The following MED12L variants were observed in gnomAD, a reference collection of about 807,000 sequenced individuals.
MED12L encodes the protein mediator complex subunit 12L, also known as mediator of RNA polymerase II transcription subunit 12-like protein.
MED12L carries 60 observed loss-of-function variants against 281.3 expected under a neutral mutation model. That is an observed-to-expected ratio of 0.21 (90% CI 0.17 to 0.26). The LOEUF (loss-of-function observed/expected upper bound fraction) is 0.26, where lower values mean the gene tolerates loss of function less well. Among genes scored for constraint, MED12L ranks in the 10% least tolerant of loss-of-function variants. The pLI is 1.00. For synonymous variants in MED12L, 974 were observed against 987.2 expected, an observed-to-expected ratio of 0.99 and a Z score of 0.25; for missense variants, 2,146 against 2,680.9, an observed-to-expected ratio of 0.80 and a Z score of 4.41.
intron 16 of MED12L, chr3:151,338,115 A>C (rs1291405839): frequency 6.2e-7 from 1 of 1,614,084 alleles, no homozygotes; most frequent in South Asian, 1.1e-5. Context: ...AATAAAGAAT[A>C]CAGCAATGAT....
At chr3:151,095,456 G>A (rs1720587736) in intron 2 of MED12L, among the ~76,000 whole-genome samples, 1 of 152,104 alleles carries the variant, frequency 6.6e-6, no homozygotes, top group Admixed American at 6.5e-5. Flanking sequence ...TCCTGCCTCA[G>A]CCCCCCGAGT....
chr3:151,424,233 G>C (rs1469515994), intron 43 of MED12L, among the ~76,000 whole-genome samples: 5 of 152,166 alleles, frequency 3.3e-5, no homozygotes, highest in Non-Finnish European at 4.4e-5. Context: ...AATATTTATA[G>C]AAAGAGGTTG....
chr3:151,432,690 A>G, intron 44 of MED12L, 62 bp from the exon 45 acceptor site: 1 of 1,198,554 alleles, frequency 8.3e-7, no homozygotes. Flanking sequence ...ACAAGAGGGT[A>G]GCATCCATCT....
At chr3:151,258,870 A>G (rs899275290) in intron 16 of MED12L, among the ~76,000 whole-genome samples, 10 of 151,672 alleles carry the variant, frequency 6.6e-5, no homozygotes, top group Admixed American at 2.0e-4. Context: ...AAAAAAAAAA[A>G]AAAGTCCTTC....
intron 16 of MED12L, among the ~76,000 whole-genome samples, chr3:151,253,057 C>T (rs1737143706): frequency 6.6e-6 from 1 of 151,982 alleles, no homozygotes; most frequent in Admixed American, 6.6e-5. Flanking sequence ...AAACTAAAGT[C>T]CCTGTCTTTT....
intron 16 of MED12L, among the ~76,000 whole-genome samples, chr3:151,293,551 A>G (rs1205806642): frequency 6.7e-6 from 1 of 148,292 alleles, no homozygotes; most frequent in African/African-American, 2.5e-5. Context: ...TGACCTGGAC[A>G]CAGAGGGTCC....
In MED12L at chr3:151,165,484, G is replaced by C; in HGVS notation, c.1322G>C (p.Arg441Pro). The C allele has an allele frequency of 6.2e-7, 1 of 1,613,986 alleles. No homozygotes were observed. The highest frequency in any genetic ancestry group is 8.5e-7 in the Non-Finnish European group (1 of 1,179,882). The change falls in exon 10 of 45, where the codon CGG (arginine) becomes CCG (proline). Residue 441 changes from arginine to proline, a missense_variant. Around this residue, in one of 9 missense-constraint regions of MED12L, gnomAD observed 722 missense variants for 861.2 expected, o/e 0.84. Transcript: ENST00000687756. Reference sequence around the variant, plus strand: ...CAAAGAGGCCGTGCAGTGGAAGTTCGGTGGTCATTTGACAAGTGCCAAGAA... The same window carrying C: ...CAAAGAGGCCGTGCAGTGGAAGTTCCGTGGTCATTTGACAAGTGCCAAGAA... ...IKQRGRAVEV[R>P]WSFDKCQEST...
intron 16 of MED12L, among the ~76,000 whole-genome samples, chr3:151,244,912 C>A (rs910869079): frequency 2.0e-5 from 3 of 151,940 alleles, no homozygotes; most frequent in Non-Finnish European, 4.4e-5. Context: ...ATCTAATAGA[C>A]CCAATAAAAA....
At chr3:151,086,756 G>A in intron 1 of MED12L, 42 bp from the exon 2 acceptor site, 1 of 552,080 alleles carries the variant, frequency 1.8e-6, no homozygotes, top group Non-Finnish European at 3.2e-6. Flanking sequence ...CTGCTGCCGG[G>A]CAGCGGCAGC....
At chr3:151,389,858 T>A in intron 37 of MED12L, 121 bp from the exon 38 acceptor site, 2 of 915,914 alleles carry the variant, frequency 2.2e-6, no homozygotes, top group Non-Finnish European at 3.3e-6. Flanking sequence ...TTCTCCTTTA[T>A]AAAAAACAGC....
chr3:151,182,654 G>A (rs188654405), intron 11 of MED12L, among the ~76,000 whole-genome samples: 2 of 152,288 alleles, frequency 1.3e-5, no homozygotes, highest in African/African-American at 2.4e-5. Flanking sequence ...AAACTGCAGT[G>A]TAGGTAGAAT....
chr3:151,238,969 T>G (rs1407051318), intron 16 of MED12L, among the ~76,000 whole-genome samples: 1 of 152,176 alleles, frequency 6.6e-6, no homozygotes, highest in Non-Finnish European at 1.5e-5. Context: ...TTCTCAAAAC[T>G]GAATGAACTG....
rs552956631 is a variant in MED12L at position 151,202,595 on chromosome 3, G to A, written c.2250+8929G>A. Among the ~76,000 whole-genome samples, 7 of 152,306 alleles carry A rather than the reference G, an allele frequency of 4.6e-5. No individual in the cohort carries two copies. The South Asian group carries it at 8.3e-4, about 18-fold the overall frequency. ...TGAGGCAGGAGAATTGTTTGAACCC[G>A]GGATGTGGAGGTTGAAGTGAGCTGA... On this transcript the variant is annotated intron_variant, in intron 16 of 44. Coordinates refer to ENST00000687756, the MANE Select transcript of MED12L (RefSeq NM_001393769.1).
chr3:151,208,479 C>T (rs866480777), intron 16 of MED12L, among the ~76,000 whole-genome samples: 2 of 152,116 alleles, frequency 1.3e-5, no homozygotes, highest in South Asian at 2.1e-4. Context: ...GTCGGGAGTT[C>T]GAGACCAGCC....
At chr3:151,420,464 T>C (rs1718110384) in intron 43 of MED12L, among the ~76,000 whole-genome samples, 1 of 152,298 alleles carries the variant, frequency 6.6e-6, no homozygotes, top group Non-Finnish European at 1.5e-5. Flanking sequence ...AAAATTTTGC[T>C]AGTGGATCAC....
intron 16 of MED12L, among the ~76,000 whole-genome samples, chr3:151,341,345 G>A (rs1374332672): frequency 5.3e-5 from 8 of 151,974 alleles, no homozygotes; most frequent in South Asian, 2.1e-4. Flanking sequence ...TCCATTGCCA[G>A]GCTTATTATA....
intron 16 of MED12L, among the ~76,000 whole-genome samples, chr3:151,307,883 C>T (rs1288663583): frequency 1.3e-5 from 2 of 152,006 alleles, no homozygotes; most frequent in African/African-American, 2.4e-5. Context: ...ACTGAGATTC[C>T]CTGACCAGTG....
chr3:151,095,227 A>T (rs1720556262), intron 2 of MED12L, among the ~76,000 whole-genome samples: 1 of 152,266 alleles, frequency 6.6e-6, no homozygotes, highest in Non-Finnish European at 1.5e-5. Flanking sequence ...CAGGAATTTC[A>T]TGAAATGGTT....
intron 16 of MED12L, among the ~76,000 whole-genome samples, chr3:151,319,458 T>TGTGTGC (rs748341622): frequency 8.9e-6 from 1 of 112,464 alleles, no homozygotes; most frequent in African/African-American, 3.6e-5. Context: ...CAGGTGTGTG[T>TGTGTGC]GTGTGTGTGC....
Sources: allele counts gnomAD v4.1 joint callset (sites outside exome capture counted in the v4.1 genomes callset), GRCh38; gene constraint gnomAD v4.1.1; regional missense constraint gnomAD v4.1.1; transcripts MANE v1.5; gene names NCBI Gene and HGNC (gene_info 2026-07-23, HGNC 2026-07-21).